Variants in FBXL7 observed in about 807,000 individuals in gnomAD.
FBXL7 encodes F-box/LRR-repeat protein 7.
FBXL7 carries 12 observed loss-of-function variants against 38.3 expected under a neutral mutation model. The observed-to-expected ratio is 0.31, with a 90% confidence interval of 0.20 to 0.51. The LOEUF (loss-of-function observed/expected upper bound fraction) is 0.51. FBXL7 is among the 20% of genes least tolerant of loss of function. FBXL7 has a pLI of 0.98. For synonymous variants in FBXL7, 297 were observed against 300.9 expected, an observed-to-expected ratio of 0.99 and a Z score of 0.13; for missense variants, 567 against 676.4, an observed-to-expected ratio of 0.84 and a Z score of 1.79.
chr5:15,668,331 C>T (rs75233690), intron 2 of FBXL7, among the ~76,000 whole-genome samples: 3,787 of 151,578 alleles, frequency 0.025, 85 homozygotes, highest in East Asian at 0.053. Context: ...CTATTAGCTT[C>T]CTAGTATCCA....
At chr5:15,920,384 C>G (rs1160245819) in intron 2 of FBXL7, among the ~76,000 whole-genome samples, 1 of 152,204 alleles carries the variant, frequency 6.6e-6, no homozygotes, top group Non-Finnish European at 1.5e-5. Flanking sequence ...GTCTCTTTTG[C>G]CTGTAAATCT....
At chr5:15,722,568 G>A (rs1185815464) in intron 2 of FBXL7, among the ~76,000 whole-genome samples, 1 of 152,136 alleles carries the variant, frequency 6.6e-6, no homozygotes, top group African/African-American at 2.4e-5. Flanking sequence ...CTCTTGGCCG[G>A]CTCATTTCCT....
intron 2 of FBXL7, among the ~76,000 whole-genome samples, chr5:15,806,025 T>C (rs1442814405): frequency 1.3e-5 from 2 of 152,164 alleles, no homozygotes; most frequent in Admixed American, 1.3e-4. Context: ...AATCACAGAA[T>C]AAAATTTTAC....
At chr5:15,692,284 A>G (rs966990591) in intron 2 of FBXL7, among the ~76,000 whole-genome samples, 40 of 152,238 alleles carry the variant, frequency 2.6e-4, no homozygotes, top group Non-Finnish European at 4.3e-4. Context: ...GTTACTTGGA[A>G]TAGTGATTGG....
intron 2 of FBXL7, among the ~76,000 whole-genome samples, chr5:15,759,128 A>G (rs1973477): frequency 0.12 from 17,586 of 152,186 alleles, 1,077 homozygotes; most frequent in South Asian, 0.16. Context: ...GTCTGCAAAC[A>G]TGAGGCTATA....
At chr5:15,638,451 C>T (rs1741256520) in intron 2 of FBXL7, among the ~76,000 whole-genome samples, 2 of 152,182 alleles carry the variant, frequency 1.3e-5, no homozygotes, top group Non-Finnish European at 2.9e-5. Context: ...CCGGCTCCAC[C>T]CTAGGCCTGT....
At chr5:15,662,499 A>G (rs1173451989) in intron 2 of FBXL7, among the ~76,000 whole-genome samples, 1 of 152,128 alleles carries the variant, frequency 6.6e-6, no homozygotes, top group African/African-American at 2.4e-5. Context: ...CAGAAGCTCT[A>G]AAGTTTAATT....
At chr5:15,513,748 G>T (rs532942332) in intron 1 of FBXL7, among the ~76,000 whole-genome samples, 3 of 152,116 alleles carry the variant, frequency 2.0e-5, no homozygotes, top group Non-Finnish European at 4.4e-5. Flanking sequence ...CAGCTGCTCC[G>T]CTGGTCAAAA....
chr5:15,689,267 G>T (rs1263517799), intron 2 of FBXL7, among the ~76,000 whole-genome samples: 4 of 142,588 alleles, frequency 2.8e-5, no homozygotes, highest in Non-Finnish European at 4.6e-5. Context: ...TTTATTTTCA[G>T]TTTTTTTTTT....
chr5:15,712,692 AAAAG>A lies in FBXL7; in HGVS notation c.127+96624_127+96627del, dbSNP rs200739492. Among the ~76,000 whole-genome samples the A allele has an allele frequency of 6.9e-3, 1,042 of 151,990 alleles. 7 individuals carry two copies. Among genetic ancestry groups the A allele is most frequent in the African/African-American group, 0.024 (1,009 of 41,468 alleles). Reference sequence around the variant, plus strand: ...TGGCAATAAAATTTAAAAAAAAAAGAAAAGAAAAGGAAGCAAAGAAAGGAAAAAA... The same window carrying A: ...TGGCAATAAAATTTAAAAAAAAAAGAAAAAGGAAGCAAAGAAAGGAAAAAA... On this transcript the variant is annotated intron_variant, in intron 2 of 3. Coordinates refer to ENST00000504595, the MANE Select transcript of FBXL7 (RefSeq NM_012304.5).
chr5:15,767,967 CT>C (rs1227177926), intron 2 of FBXL7, among the ~76,000 whole-genome samples: 1 of 152,074 alleles, frequency 6.6e-6, no homozygotes, highest in Non-Finnish European at 1.5e-5. Context: ...AAATTTACTA[CT>C]TTTGTCATGT....
At chr5:15,691,906 G>A (rs1388170468) in intron 2 of FBXL7, among the ~76,000 whole-genome samples, 1 of 152,184 alleles carries the variant, frequency 6.6e-6, no homozygotes, top group Non-Finnish European at 1.5e-5. Context: ...GATTTGGATG[G>A]TAGAAGCACA....
intron 2 of FBXL7, among the ~76,000 whole-genome samples, chr5:15,791,535 G>A (rs1451192067): frequency 6.6e-6 from 1 of 152,176 alleles, no homozygotes; most frequent in African/African-American, 2.4e-5. Context: ...CAGGGTAATT[G>A]GGAAGAGTTT....
chr5:15,869,350 T>A (rs1367092880), intron 2 of FBXL7, among the ~76,000 whole-genome samples: 2 of 152,114 alleles, frequency 1.3e-5, no homozygotes, highest in Non-Finnish European at 2.9e-5. Context: ...CACATCATGC[T>A]CCCCAGGCTA....
At chr5:15,707,024 T>G (rs1490138214) in intron 2 of FBXL7, among the ~76,000 whole-genome samples, 2 of 152,148 alleles carry the variant, frequency 1.3e-5, no homozygotes, top group Non-Finnish European at 1.5e-5. Flanking sequence ...TATTAAAATT[T>G]AAGCCTTCAC....
chr5:15,781,381 G>GA (rs1350743546), intron 2 of FBXL7, among the ~76,000 whole-genome samples: 3 of 151,768 alleles, frequency 2.0e-5, no homozygotes, highest in Non-Finnish European at 4.4e-5. Context: ...CCACCCCCAA[G>GA]AAAAAAAGGT....
intron 2 of FBXL7, among the ~76,000 whole-genome samples, chr5:15,788,401 G>A (rs947804513): frequency 1.3e-5 from 2 of 152,126 alleles, no homozygotes; most frequent in African/African-American, 4.8e-5. Context: ...CAGTGCCCAT[G>A]AATGATGTGG....
chr5:15,676,082 G>C (rs529939637), intron 2 of FBXL7, among the ~76,000 whole-genome samples: 5 of 152,086 alleles, frequency 3.3e-5, no homozygotes, highest in African/African-American at 1.2e-4. Flanking sequence ...CTCCTCTCCC[G>C]ATCTGGAATT....
intron 2 of FBXL7, among the ~76,000 whole-genome samples, chr5:15,688,485 AAC>A (rs1280991467): frequency 2.0e-5 from 3 of 152,200 alleles, no homozygotes; most frequent in African/African-American, 7.2e-5. Context: ...GCCATCCGGT[AAC>A]ACAAACCATT....
Sources: gnomAD v4.1 joint callset for allele counts (sites outside exome capture counted in the v4.1 genomes callset) on GRCh38, gnomAD v4.1.1 for gene constraint, MANE v1.5 for transcripts, NCBI Gene and HGNC (gene_info 2026-07-23, HGNC 2026-07-21) for gene names.